CNTNAP2: variants seen among roughly 807,000 people sequenced by gnomAD.
CNTNAP2 encodes the protein contactin associated protein 2.
In CNTNAP2, 98 loss-of-function variants were observed where a neutral mutation model predicts 155.2. The ratio of observed to expected loss-of-function variants is 0.63; its 90% confidence interval spans 0.54 to 0.75. CNTNAP2 has a LOEUF of 0.75. Ranked by LOEUF, CNTNAP2 falls within the 30% of genes least tolerant of loss-of-function variation. The pLI is 0.00. For synonymous variants in CNTNAP2, 651 were observed against 631.2 expected, an observed-to-expected ratio of 1.03 and a Z score of -0.47; for missense variants, 1,727 against 1,688.1, an observed-to-expected ratio of 1.02 and a Z score of -0.40.
chr7:146,890,662 C>A (rs560939032), intron 3 of CNTNAP2, among the ~76,000 whole-genome samples: 1 of 152,162 alleles, frequency 6.6e-6, no homozygotes, highest in East Asian at 1.9e-4. Flanking sequence ...TTAAATAAAC[C>A]TAATCAAAAT....
chr7:146,655,871 T>G (rs115104893), intron 1 of CNTNAP2, among the ~76,000 whole-genome samples: 12 of 152,294 alleles, frequency 7.9e-5, no homozygotes, highest in African/African-American at 2.6e-4. Context: ...AAAATAAAAT[T>G]TAATGTGACA....
intron 11 of CNTNAP2, among the ~76,000 whole-genome samples, chr7:147,518,465 C>T (rs922437121): frequency 2.6e-5 from 4 of 152,162 alleles, no homozygotes; most frequent in African/African-American, 9.7e-5. Flanking sequence ...CCTGTCCTAG[C>T]ATCATCTCTT....
At chr7:146,861,774 C>G (rs531746110) in intron 3 of CNTNAP2, among the ~76,000 whole-genome samples, 1 of 152,108 alleles carries the variant, frequency 6.6e-6, no homozygotes, top group African/African-American at 2.4e-5. Context: ...ACATGAATGG[C>G]TAAAGAAAAA....
intron 15 of CNTNAP2, among the ~76,000 whole-genome samples, chr7:148,080,559 T>C (rs544553800): frequency 2.2e-4 from 32 of 142,912 alleles, no homozygotes; most frequent in African/African-American, 7.6e-4. Flanking sequence ...GAGCCGAGAT[T>C]GCACCACTGC....
chr7:147,294,404 T>C (rs575799538), intron 8 of CNTNAP2, among the ~76,000 whole-genome samples: 1 of 152,306 alleles, frequency 6.6e-6, no homozygotes, highest in Non-Finnish European at 1.5e-5. Context: ...CATCTACACA[T>C]TTCTGTAGAA....
chr7:147,683,657 A>T (rs1188887671), intron 13 of CNTNAP2, among the ~76,000 whole-genome samples: 1 of 151,790 alleles, frequency 6.6e-6, no homozygotes, highest in African/African-American at 2.4e-5. Context: ...AAGATGCCTA[A>T]CTAATACATA....
chr7:148,218,196 A>G (rs995123018), intron 19 of CNTNAP2, among the ~76,000 whole-genome samples: 10 of 152,244 alleles, frequency 6.6e-5, no homozygotes, highest in Non-Finnish European at 1.2e-4. Context: ...CTAAACAGAG[A>G]TGGGCTTTGA....
At chr7:147,858,847 C>G (rs1311177139) in intron 13 of CNTNAP2, among the ~76,000 whole-genome samples, 1 of 152,218 alleles carries the variant, frequency 6.6e-6, no homozygotes, top group African/African-American at 2.4e-5. Context: ...AGAGAGAGCA[C>G]AGCCCTGCTG....
At chr7:146,900,549 G>T (rs1305806949) in intron 3 of CNTNAP2, among the ~76,000 whole-genome samples, 1 of 152,114 alleles carries the variant, frequency 6.6e-6, no homozygotes, top group Non-Finnish European at 1.5e-5. Flanking sequence ...GCCTTATCCA[G>T]TCAAGCCCTG....
At chr7:148,302,366 T>A (rs1797410546) in intron 21 of CNTNAP2, among the ~76,000 whole-genome samples, 1 of 152,202 alleles carries the variant, frequency 6.6e-6, no homozygotes, top group Non-Finnish European at 1.5e-5. Flanking sequence ...AAAAGTCTAA[T>A]GCATGAACCC....
intron 18 of CNTNAP2, among the ~76,000 whole-genome samples, chr7:148,174,958 C>G (rs1794906611): frequency 6.6e-6 from 1 of 152,084 alleles, no homozygotes; most frequent in Non-Finnish European, 1.5e-5. Context: ...CTCCCTGTGG[C>G]CATGTGTTCT....
intron 3 of CNTNAP2, among the ~76,000 whole-genome samples, chr7:146,966,101 T>C (rs912085205): frequency 6.6e-6 from 1 of 152,224 alleles, no homozygotes; most frequent in Admixed American, 6.5e-5. Flanking sequence ...TAGTTGGGTC[T>C]AATAATGGAA....
intron 8 of CNTNAP2, among the ~76,000 whole-genome samples, chr7:147,134,702 T>C (rs1217465803): frequency 6.6e-6 from 1 of 151,978 alleles, no homozygotes; most frequent in Non-Finnish European, 1.5e-5. Flanking sequence ...TTTTATCAAA[T>C]TCAATTAAAT....
At chr7:147,808,661 A>C (rs1404731) in intron 13 of CNTNAP2, among the ~76,000 whole-genome samples, 15,802 of 152,184 alleles carry the variant, frequency 0.1, 938 homozygotes, top group South Asian at 0.2. Flanking sequence ...CCACATAAAA[A>C]TGCTGCTAGA....
chr7:148,064,715 C>G (rs991952971), intron 15 of CNTNAP2, among the ~76,000 whole-genome samples: 1 of 149,566 alleles, frequency 6.7e-6, no homozygotes, highest in African/African-American at 2.5e-5. Context: ...ATATACCTAA[C>G]CAAAGAAGTG....
intron 1 of CNTNAP2, among the ~76,000 whole-genome samples, chr7:146,772,976 A>G (rs1466946432): frequency 6.6e-6 from 1 of 152,142 alleles, no homozygotes; most frequent in African/African-American, 2.4e-5. Context: ...TGTAACAGTG[A>G]TCTCTGGAAG....
intron 8 of CNTNAP2, among the ~76,000 whole-genome samples, chr7:147,216,727 G>T (rs1803278293): frequency 6.6e-6 from 1 of 151,926 alleles, no homozygotes; most frequent in African/African-American, 2.4e-5. Flanking sequence ...TAATTTGCTG[G>T]GGTTTTGTTT....
chr7:148,140,634 C>G (rs931119878), intron 16 of CNTNAP2, among the ~76,000 whole-genome samples: 1 of 152,044 alleles, frequency 6.6e-6, no homozygotes, highest in Non-Finnish European at 1.5e-5. Flanking sequence ...GTTGGTCAGG[C>G]TGGTCTCGAA....
intron 8 of CNTNAP2, among the ~76,000 whole-genome samples, chr7:147,261,347 C>T (rs983070075): frequency 2.0e-5 from 3 of 152,148 alleles, no homozygotes; most frequent in African/African-American, 7.2e-5. Context: ...CTTGATTATG[C>T]ATAAAAATTA....
Sources: gnomAD v4.1 joint callset for allele counts (sites outside exome capture counted in the v4.1 genomes callset) on GRCh38, gnomAD v4.1.1 for gene constraint, MANE v1.5 for transcripts, NCBI Gene and HGNC (gene_info 2026-07-23, HGNC 2026-07-21) for gene names.